LRRC7: variants seen among roughly 807,000 people sequenced by gnomAD.
LRRC7 encodes leucine rich repeat containing 7, also known as leucine-rich repeat-containing protein 7.
In LRRC7, 23 loss-of-function variants were observed where a neutral mutation model predicts 175.7. That is an observed-to-expected ratio of 0.13 (90% confidence interval 0.09 to 0.19). LRRC7 has a LOEUF of 0.19. Among genes scored for constraint, LRRC7 ranks in the 10% least tolerant of loss-of-function variants. LRRC7 has a pLI of 1.00. For synonymous variants in LRRC7, 685 were observed against 680.9 expected (o/e 1.01, Z -0.09); for missense variants, 1,354 against 1,904.7 (o/e 0.71, Z 5.38).
intron 2 of LRRC7, among the ~76,000 whole-genome samples, chr1:69,683,900 A>G (rs1224825734): frequency 6.6e-6 from 1 of 152,144 alleles, no homozygotes; most frequent in Non-Finnish European, 1.5e-5. Flanking sequence ...GAAGCACTCC[A>G]TGAATACAAA....
intron 1 of LRRC7, among the ~76,000 whole-genome samples, chr1:69,585,849 A>G (rs1349593552): frequency 1.3e-5 from 2 of 152,240 alleles, no homozygotes; most frequent in Non-Finnish European, 1.5e-5. Flanking sequence ...ACCAAGAAAT[A>G]TATCCTTGTA....
intron 1 of LRRC7, among the ~76,000 whole-genome samples, chr1:69,622,208 C>T (rs909306753): frequency 6.6e-6 from 1 of 152,170 alleles, no homozygotes; most frequent in African/African-American, 2.4e-5. Context: ...GCAAAAAATT[C>T]TGAATTTTAA....
intron 8 of LRRC7, among the ~76,000 whole-genome samples, chr1:69,947,640 G>A (rs1649477929): frequency 6.6e-6 from 1 of 151,370 alleles, no homozygotes; most frequent in Non-Finnish European, 1.5e-5. Context: ...TTTATATACT[G>A]TTGCCTTTTC....
At chr1:69,812,585 A>G (rs1459845957) in intron 4 of LRRC7, among the ~76,000 whole-genome samples, 1 of 152,104 alleles carries the variant, frequency 6.6e-6, no homozygotes, top group Non-Finnish European at 1.5e-5. Context: ...TTAAAATATC[A>G]GATGTAGATA....
At chr1:69,999,425 C>T (rs529060344) in intron 11 of LRRC7, among the ~76,000 whole-genome samples, 7 of 152,104 alleles carry the variant, frequency 4.6e-5, no homozygotes, top group Non-Finnish European at 8.8e-5. Flanking sequence ...GAAAAAAATA[C>T]TTATGTTTGG....
chr1:69,575,246 A>T (rs1323995153), intron 1 of LRRC7, among the ~76,000 whole-genome samples: 2 of 152,164 alleles, frequency 1.3e-5, no homozygotes, highest in Non-Finnish European at 2.9e-5. Flanking sequence ...TCTGCCAGTA[A>T]AACCACACCC....
intron 2 of LRRC7, among the ~76,000 whole-genome samples, chr1:69,698,230 C>A (rs1273243972): frequency 6.6e-6 from 1 of 152,172 alleles, no homozygotes; most frequent in Admixed American, 6.5e-5. Flanking sequence ...CTAGAACACC[C>A]GTTCTGGATT....
rs1379269703 is a variant in LRRC7, at chr1:69,759,962, C to T, written c.101-229C>T. Among the ~76,000 whole-genome samples the T allele has an allele frequency of 5.9e-5, 9 of 151,956 alleles. No homozygotes were observed. The South Asian group carries it at 1.5e-3, about 24-fold the overall frequency. On this transcript the variant is annotated intron_variant, in intron 2 of 26. Coordinates refer to ENST00000651989, the MANE Select transcript of LRRC7 (RefSeq NM_001370785.2). ...AGCTGTGTGATGATGGGAAATCTCT[C>T]GCACTTTTTGAGCCCATTTTCGAAT... is the stretch of plus-strand genomic sequence containing the variant.
chr1:70,086,762 A>G (rs1663642983), intron 24 of LRRC7, among the ~76,000 whole-genome samples: 1 of 152,172 alleles, frequency 6.6e-6, no homozygotes, highest in Non-Finnish European at 1.5e-5. Flanking sequence ...AAATTAAAAG[A>G]AAATTAAAAT....
intron 8 of LRRC7, among the ~76,000 whole-genome samples, chr1:69,966,207 C>T (rs1021969208): frequency 3.9e-5 from 6 of 152,044 alleles, no homozygotes; most frequent in Non-Finnish European, 8.8e-5. Context: ...GGCCAATTTG[C>T]ATTTATTAAT....
chr1:70,040,199 A>G (rs1354887420), intron 21 of LRRC7, among the ~76,000 whole-genome samples: 1 of 152,108 alleles, frequency 6.6e-6, no homozygotes, highest in East Asian at 1.9e-4. Context: ...TTCTGGATGG[A>G]CTCACTTATA....
At chr1:69,714,123 G>A (rs915866165) in intron 2 of LRRC7, among the ~76,000 whole-genome samples, 14 of 151,886 alleles carry the variant, frequency 9.2e-5, no homozygotes, top group African/African-American at 3.1e-4. Context: ...CCCTCTTCCC[G>A]GAATGAGATT....
chr1:69,890,235 G>T lies in LRRC7; in HGVS notation c.648-41272G>T, dbSNP rs143576349. 3.8e-3 allele frequency among the ~76,000 whole-genome samples: 572 copies of T among 152,300 alleles called. 2 individuals carry two copies. Among genetic ancestry groups the T allele is most frequent in the Non-Finnish European group, 6.7e-3 (455 of 68,026 alleles). Reference sequence around the variant, plus strand: ...ATTTCTTAAATAATAAGGCTTGAAAGTCAAAATTACTCCTTGACCCATTAA... The same window carrying T: ...ATTTCTTAAATAATAAGGCTTGAAATTCAAAATTACTCCTTGACCCATTAA... On this transcript the variant is annotated intron_variant, in intron 7 of 26. Transcript: ENST00000651989.
rs983738339 is a variant in LRRC7 at position 69,568,284 on chromosome 1, C to T, written c.-356C>T. On this transcript the variant is annotated 5_prime_UTR_variant, in exon 1 of 27. Transcript: ENST00000651989. ...GAGGGAGCTGCGCCTCCGCCACCGC[C>T]GCCGCCGCCGCCGCTGCTGCTGCGG... The T allele has an allele frequency of 9.7e-6, 2 of 206,704 alleles. No individual in the cohort carries two copies. The highest frequency in any genetic ancestry group is 1.9e-5 in the Non-Finnish European group (2 of 107,198). 12.8% of individuals were successfully genotyped at this position (206,704 alleles called of 1,614,324 possible).
intron 4 of LRRC7, among the ~76,000 whole-genome samples, chr1:69,824,031 C>G (rs12567395): frequency 6.6e-5 from 10 of 152,076 alleles, no homozygotes; most frequent in African/African-American, 1.9e-4. Context: ...AATATAGCAC[C>G]ATTTTCACCA....
intron 25 of LRRC7, among the ~76,000 whole-genome samples, chr1:70,099,982 T>G (rs1324329657): frequency 6.6e-6 from 1 of 152,120 alleles, no homozygotes; most frequent in Non-Finnish European, 1.5e-5. Flanking sequence ...ATGAATATGA[T>G]TATTGACTTT....
chr1:69,680,680 A>G (rs1413647565), intron 2 of LRRC7, among the ~76,000 whole-genome samples: 1 of 145,870 alleles, frequency 6.9e-6, no homozygotes, highest in Admixed American at 6.9e-5. Flanking sequence ...AAAAGCCACA[A>G]TTTTTTTTTT....
intron 1 of LRRC7, among the ~76,000 whole-genome samples, chr1:69,625,960 G>A (rs931947005): frequency 9.2e-5 from 14 of 152,030 alleles, no homozygotes; most frequent in African/African-American, 2.7e-4. Context: ...TTTAAAAATC[G>A]TATTGTTCAA....
At chr1:69,731,941 T>C (rs1667622595) in intron 2 of LRRC7, among the ~76,000 whole-genome samples, 1 of 152,128 alleles carries the variant, frequency 6.6e-6, no homozygotes, top group Admixed American at 6.5e-5. Flanking sequence ...GTCCCTAAAT[T>C]TTCCCCTTAT....
Sources: gnomAD v4.1 joint callset for allele counts (sites outside exome capture counted in the v4.1 genomes callset) on GRCh38, gnomAD v4.1.1 for gene constraint, MANE v1.5 for transcripts, NCBI Gene and HGNC (gene_info 2026-07-23, HGNC 2026-07-21) for gene names.